SCARB1: variants seen among roughly 807,000 people sequenced by gnomAD.
The protein encoded by SCARB1 is CD36 and LIMPII analogous 1.
SCARB1 carries 30 observed loss-of-function variants against 57.2 expected under a neutral mutation model. The observed-to-expected ratio is 0.52, with a 90% confidence interval of 0.39 to 0.71. The LOEUF (loss-of-function observed/expected upper bound fraction) is 0.71, where lower values mean the gene tolerates loss of function less well. Among genes scored for constraint, SCARB1 ranks in the 30% least tolerant of loss-of-function variants. The pLI is 0.00. For synonymous variants in SCARB1, 249 were observed against 268.3 expected (o/e 0.93, Z 0.70); for missense variants, 543 against 671.2 (o/e 0.81, Z 2.11).
At chr12:124,841,280 G>A (rs1951895849) in intron 1 of SCARB1, among the ~76,000 whole-genome samples, 2 of 151,910 alleles carry the variant, frequency 1.3e-5, no homozygotes, top group South Asian at 4.1e-4. Context: ...GCTGAGGCAG[G>A]AGAATGGCAT....
Position 124,777,644 on chromosome 12 carries a change from G to T in SCARB1, c.*943C>A, listed in dbSNP as rs1436967663. 1 of 152,204 alleles carries T rather than the reference G, an allele frequency of 6.6e-6. No homozygotes were observed. Among genetic ancestry groups the T allele is most frequent in the Admixed American group, 6.5e-5 (1 of 15,274 alleles). The allele number at this position is 152,204 out of a possible 1,614,324, so 9.4% of individuals were successfully genotyped here. A position where few individuals can be genotyped will look rare whatever the true frequency, so the allele number is the denominator to read the frequency against. On this transcript the variant is annotated 3_prime_UTR_variant, in exon 13 of 13. Coordinates refer to ENST00000261693, the MANE Select transcript of SCARB1 (RefSeq NM_005505.5). ...AGGCAGGCATCCCATTTTTTTAAACGTTTATTACTTCAAGAGTGAATTATT... is the reference window on the plus strand; with the variant it reads ...AGGCAGGCATCCCATTTTTTTAAACTTTTATTACTTCAAGAGTGAATTATT...
chr12:124,843,298 G>A (rs1366478243), intron 1 of SCARB1, among the ~76,000 whole-genome samples: 1 of 123,160 alleles, frequency 8.1e-6, no homozygotes, highest in Admixed American at 8.0e-5. Context: ...GATGGGGGGG[G>A]GGGTCTTACT....
rs1161894069 is a variant in SCARB1 at position 124,814,455 on chromosome 12, T to C, written c.427-50A>G. ...TCAGAGGCTGGACGTGGCTGGCCCA[T>C]CCTCCCTTGGCCCCAGCTGGGCCTC... On this transcript the variant is annotated intron_variant, in intron 3 of 12. Coordinates refer to ENST00000261693, the MANE Select transcript of SCARB1 (RefSeq NM_005505.5). This position sits in a 1 kb window ranked among gnomAD's most constrained non-coding sequence, Gnocchi z 4.7. The C allele has an allele frequency of 6.3e-7, 1 of 1,580,168 alleles. No individual in the cohort carries two copies. The highest frequency in any genetic ancestry group is 2.2e-5 in the East Asian group (1 of 44,718).
intron 1 of SCARB1, among the ~76,000 whole-genome samples, chr12:124,857,593 C>T (rs1008056495): frequency 2.0e-5 from 3 of 152,206 alleles, no homozygotes; most frequent in African/African-American, 4.8e-5. Flanking sequence ...GGAGCTCAGG[C>T]GCTGCTATGG....
chr12:124,786,488 C>T lies in SCARB1; in HGVS notation c.1270G>A (p.Gly424Arg), dbSNP rs1949523621. Residue 424 changes from glycine (G) to arginine (R), a missense_variant, in exon 11 of 13, where the codon GGG becomes AGG. Physicochemically the swap from Gly to Arg is moderately radical, Grantham distance 125 (BLOSUM62 -2). Transcript: ENST00000261693. ...LWFAESGAME[G>R]ETLHTFYTQL... ...GTGTAGAATGTGTGAAGAGTCTCCC[C>T]CTCCATGGCCCCGCTCTGAGGAGAC... 6.2e-7 allele frequency: 1 copy of T among 1,614,122 alleles called. No homozygotes were observed. The highest frequency in any genetic ancestry group is 8.5e-7 in the Non-Finnish European group (1 of 1,180,036).
chr12:124,814,922 CA>C lies in SCARB1; in HGVS notation c.426+50del. ...CACAAGGGGCAGGCGGGAGGAGAGA[CA>C]GGGGACGAGGTCAGGGTGCGAGGCG... is the stretch of plus-strand genomic sequence containing the variant. On this transcript the variant is annotated intron_variant, in intron 3 of 12. Transcript: ENST00000261693. The surrounding 1 kb of genome is among the most constrained non-coding windows in gnomAD (Gnocchi z 4.7). The C allele has an allele frequency of 2.5e-6, 4 of 1,611,710 alleles. No homozygotes were observed. The highest frequency in any genetic ancestry group is 3.4e-6 in the Non-Finnish European group (4 of 1,178,886).
intron 1 of SCARB1, among the ~76,000 whole-genome samples, chr12:124,848,525 G>C (rs757351268): frequency 8.5e-5 from 13 of 152,238 alleles, no homozygotes; most frequent in Non-Finnish European, 1.2e-4. Flanking sequence ...GGAGAAGGAC[G>C]TCCTTGTCCT....
intron 7 of SCARB1, among the ~76,000 whole-genome samples, chr12:124,801,915 C>A (rs1175943043): frequency 6.6e-6 from 1 of 151,270 alleles, no homozygotes; most frequent in Non-Finnish European, 1.5e-5. Context: ...CTTTAGGAGG[C>A]CGAGGCGGGT....
intron 1 of SCARB1, among the ~76,000 whole-genome samples, chr12:124,827,604 C>T (rs1038252585): frequency 1.3e-5 from 2 of 152,024 alleles, no homozygotes; most frequent in African/African-American, 4.8e-5. Context: ...GGTCTCATTC[C>T]ACAACCACTG....
chr12:124,794,745 A>G (rs1425224236), intron 9 of SCARB1, among the ~76,000 whole-genome samples: 1 of 152,206 alleles, frequency 6.6e-6, no homozygotes, highest in Non-Finnish European at 1.5e-5. Context: ...AGCCTGACCA[A>G]CATGGTGAAA....
chr12:124,798,441 C>G lies in SCARB1; in HGVS notation c.1128+1683G>C, dbSNP rs578046481. Reference sequence around the variant, plus strand: ...ATAAATAAATAAAAACAGGGAAATCCTGTTATTTGTGACAACATGACGGAC... The same window carrying G: ...ATAAATAAATAAAAACAGGGAAATCGTGTTATTTGTGACAACATGACGGAC... On this transcript the variant is annotated intron_variant, in intron 8 of 12. Transcript: ENST00000261693. Among the ~76,000 whole-genome samples the G allele has an allele frequency of 2.3e-4, 35 of 151,820 alleles. 1 individual carries two copies. The highest frequency in any genetic ancestry group is 8.2e-4 in the African/African-American group (34 of 41,418).
chr12:124,858,645 C>G (rs1205933683), intron 1 of SCARB1, among the ~76,000 whole-genome samples: 1 of 151,818 alleles, frequency 6.6e-6, no homozygotes. Flanking sequence ...TTTGGGAGGC[C>G]GAGACGGGCG....
At chr12:124,828,048 T>C (rs1460185049) in intron 1 of SCARB1, among the ~76,000 whole-genome samples, 1 of 152,090 alleles carries the variant, frequency 6.6e-6, no homozygotes, top group Non-Finnish European at 1.5e-5. Flanking sequence ...AACCATATAA[T>C]CAACGTGGAA....
intron 1 of SCARB1, among the ~76,000 whole-genome samples, chr12:124,834,632 G>A (rs1206869475): frequency 6.6e-6 from 1 of 152,262 alleles, no homozygotes; most frequent in East Asian, 1.9e-4. Context: ...CCCTGGCTGA[G>A]CGTGGTGGCT....
rs1026676824 is a variant in SCARB1 at position 124,776,963 on chromosome 12, GAAGA to G, written c.*1620_*1623del. ...ATTTAGATAAAATTTTAGGAGGGAA[GAAGA>G]AAGGAAATACAAGTTTAAGGGGAAA... On this transcript the variant is annotated 3_prime_UTR_variant, in exon 13 of 13. Coordinates refer to ENST00000261693, the MANE Select transcript of SCARB1 (RefSeq NM_005505.5). 4.2e-5 allele frequency: 6 copies of G among 143,402 alleles called. No individual in the cohort carries two copies. Among genetic ancestry groups the G allele is most frequent in the African/African-American group, 1.5e-4 (6 of 40,162 alleles). 8.9% of individuals were successfully genotyped at this position (143,402 alleles called of 1,614,324 possible).
At chr12:124,805,450 C>A (rs1950287606) in intron 7 of SCARB1, among the ~76,000 whole-genome samples, 1 of 152,070 alleles carries the variant, frequency 6.6e-6, no homozygotes, top group Admixed American at 6.6e-5. Context: ...GGGGCTGGAT[C>A]CTTCAGAGAG....
Position 124,814,853 on chromosome 12 carries a change from G to C in SCARB1, c.426+120C>G. On this transcript the variant is annotated intron_variant, in intron 3 of 12. Coordinates refer to ENST00000261693, the MANE Select transcript of SCARB1 (RefSeq NM_005505.5). This position sits in a 1 kb window ranked among gnomAD's most constrained non-coding sequence, Gnocchi z 4.7. The stretch of plus-strand genomic sequence containing the variant: ...GCACAGGGCCGAAAGCCACCCACCA[G>C]GCGTGAGTCCCCACGCTCCGACCAC... 1 of 1,305,286 alleles carries C rather than the reference G, an allele frequency of 7.7e-7. No homozygotes were observed. The highest frequency in any genetic ancestry group is 1.1e-6 in the Non-Finnish European group (1 of 926,800). 80.9% of individuals were successfully genotyped at this position (1,305,286 alleles called of 1,614,324 possible).
In SCARB1 at chr12:124,800,371, G is replaced by C; in HGVS notation, c.1010-129C>G. The C allele has an allele frequency of 1.5e-6, 1 of 669,650 alleles. No individual in the cohort carries two copies. The highest frequency in any genetic ancestry group is 2.7e-6 in the Non-Finnish European group (1 of 374,750). The allele number at this position is 669,650 out of a possible 1,614,324, so 41.5% of individuals were successfully genotyped here. ...GGCGATGACAAGATAACCAGACAGAGAGGATCCCTTCCTCCATTCTGTAAA... is the reference window on the plus strand; with the variant it reads ...GGCGATGACAAGATAACCAGACAGACAGGATCCCTTCCTCCATTCTGTAAA... On this transcript the variant is annotated intron_variant, in intron 7 of 12. Transcript: ENST00000261693. This position sits in a 1 kb window ranked among gnomAD's most constrained non-coding sequence, Gnocchi z 4.8.
chr12:124,817,034 G>A lies in SCARB1; in HGVS notation c.284+516C>T, dbSNP rs74775637. 7.8e-5 allele frequency among the ~76,000 whole-genome samples: 11 copies of A among 141,808 alleles called. No individual in the cohort carries two copies. The highest frequency in any genetic ancestry group is 3.4e-4 in the African/African-American group (11 of 32,112). The allele number at this position is 141,808 out of a possible 152,430, so 93.0% of individuals were successfully genotyped here. On this transcript the variant is annotated intron_variant, in intron 2 of 12. Transcript: ENST00000261693. The surrounding 1 kb of genome is among the most constrained non-coding windows in gnomAD (Gnocchi z 4.8). ...CCTGGTCATGCATGTGTGTGTGTGT[G>A]TGTGTGTGTGTGTGTATGTGTGTAT...
Sources: allele counts gnomAD v4.1 joint callset (sites outside exome capture counted in the v4.1 genomes callset), GRCh38; gene constraint gnomAD v4.1.1; non-coding constraint Gnocchi (gnomAD v3.1); transcripts MANE v1.5; gene names NCBI Gene and HGNC (gene_info 2026-07-23, HGNC 2026-07-21).